BMPR2: variants seen among roughly 807,000 people sequenced by gnomAD.
The protein encoded by BMPR2 is bone morphogenetic protein receptor type 2.
In BMPR2, 29 loss-of-function variants were observed where a neutral mutation model predicts 100.8. That is an observed-to-expected ratio of 0.29 (90% CI 0.21 to 0.39). BMPR2 has a LOEUF of 0.39. Among genes scored for constraint, BMPR2 ranks in the 10% least tolerant of loss-of-function variants. The pLI is 1.00. For synonymous variants in BMPR2, 382 were observed against 442.3 expected (o/e 0.86, Z 1.71); for missense variants, 1,011 against 1,274.5 (o/e 0.79, Z 3.15).
intron 10 of BMPR2, among the ~76,000 whole-genome samples, chr2:202,549,147 T>G (rs2106038146): frequency 6.6e-6 from 1 of 152,258 alleles, no homozygotes. Context: ...AAATGTACTG[T>G]TTTTCTGGCT....
chr2:202,470,273 C>T (rs1692409093), intron 3 of BMPR2, among the ~76,000 whole-genome samples: 1 of 151,764 alleles, frequency 6.6e-6, no homozygotes, highest in African/African-American at 2.4e-5. Context: ...ACCTGGGAGG[C>T]GGAGGTTGCA....
intron 3 of BMPR2, among the ~76,000 whole-genome samples, chr2:202,510,953 A>G (rs992558873): frequency 6.6e-6 from 1 of 150,422 alleles, no homozygotes; most frequent in African/African-American, 2.4e-5. Context: ...TGTTGGGATG[A>G]CAGGAGTGAG....
intron 3 of BMPR2, among the ~76,000 whole-genome samples, chr2:202,491,979 C>G (rs1367764041): frequency 1.3e-5 from 2 of 152,000 alleles, no homozygotes; most frequent in Non-Finnish European, 2.9e-5. Flanking sequence ...GAAAAACAGC[C>G]CTGAATTATT....
intron 1 of BMPR2, among the ~76,000 whole-genome samples, chr2:202,459,980 G>T (rs1464438069): frequency 1.3e-5 from 2 of 152,182 alleles, no homozygotes; most frequent in Non-Finnish European, 2.9e-5. Flanking sequence ...AAGAAGACAT[G>T]CATATGGCCA....
intron 4 of BMPR2, among the ~76,000 whole-genome samples, chr2:202,514,648 T>C (rs771937189): frequency 2.0e-5 from 3 of 152,202 alleles, no homozygotes; most frequent in Non-Finnish European, 4.4e-5. Context: ...TTTTAAACTT[T>C]TAAAGTAAGT....
At chr2:202,544,682 C>T (rs1215606876) in intron 10 of BMPR2, among the ~76,000 whole-genome samples, 1 of 151,190 alleles carries the variant, frequency 6.6e-6, no homozygotes, top group Non-Finnish European at 1.5e-5. Context: ...ACACATTTTG[C>T]TTGGCACTGG....
At chr2:202,399,385 A>G (rs544781556) in intron 1 of BMPR2, among the ~76,000 whole-genome samples, 128 of 152,288 alleles carry the variant, frequency 8.4e-4, no homozygotes, top group African/African-American at 2.9e-3. Context: ...AAAGAGCTCG[A>G]TATTTCACAG....
rs1046651179 is a variant in BMPR2 at position 202,534,639 on chromosome 2, G to A, written c.1276+1907G>A. On this transcript the variant is annotated intron_variant, in intron 9 of 12. Coordinates refer to ENST00000374580, the MANE Select transcript of BMPR2 (RefSeq NM_001204.7). ...AGTTTTCTTAGTACAGAACAAAATGGAAAGTCTCCCATGTCTACTTCTTTC... is the reference window on the plus strand; with the variant it reads ...AGTTTTCTTAGTACAGAACAAAATGAAAAGTCTCCCATGTCTACTTCTTTC... Among the ~76,000 whole-genome samples, 298 of 152,260 alleles carry A rather than the reference G, an allele frequency of 2.0e-3. 2 individuals are homozygous for A. The highest frequency in any genetic ancestry group is 2.9e-3 in the Non-Finnish European group (197 of 68,004).
intron 1 of BMPR2, among the ~76,000 whole-genome samples, chr2:202,412,827 C>T (rs1202501973): frequency 6.6e-6 from 1 of 152,052 alleles, no homozygotes; most frequent in Non-Finnish European, 1.5e-5. Context: ...CTATGGTCTT[C>T]AGTAATTACT....
chr2:202,535,331 G>A (rs1301877817), intron 9 of BMPR2, among the ~76,000 whole-genome samples: 10 of 151,270 alleles, frequency 6.6e-5, no homozygotes, highest in African/African-American at 1.9e-4. Flanking sequence ...TCTCAGACGG[G>A]GCGGTTGCCA....
chr2:202,538,102 A>G (rs1688197879), intron 9 of BMPR2, among the ~76,000 whole-genome samples: 1 of 152,064 alleles, frequency 6.6e-6, no homozygotes, highest in Non-Finnish European at 1.5e-5. Context: ...AGCCTGGGTG[A>G]CAGAACGAGA....
intron 1 of BMPR2, among the ~76,000 whole-genome samples, chr2:202,420,370 T>C (rs988781456): frequency 2.0e-5 from 3 of 151,904 alleles, no homozygotes; most frequent in African/African-American, 7.3e-5. Context: ...ACAGAGAAAC[T>C]GTGAATTTTA....
chr2:202,497,069 G>A (rs1693048317), intron 3 of BMPR2, among the ~76,000 whole-genome samples: 2 of 152,244 alleles, frequency 1.3e-5, no homozygotes, highest in Admixed American at 1.3e-4. Context: ...CGGCTGCGGG[G>A]GGTGCACTGG....
At chr2:202,478,830 A>G (rs887609380) in intron 3 of BMPR2, among the ~76,000 whole-genome samples, 8 of 152,008 alleles carry the variant, frequency 5.3e-5, no homozygotes, top group Admixed American at 5.2e-4. Flanking sequence ...AGAGGCTGAG[A>G]TGGGAGAATT....
chr2:202,472,176 T>G (rs1692450384), intron 3 of BMPR2, among the ~76,000 whole-genome samples: 5 of 152,206 alleles, frequency 3.3e-5, no homozygotes, highest in Admixed American at 3.3e-4. Flanking sequence ...ATCATCAGTT[T>G]TGGATTATTT....
chr2:202,423,789 T>G (rs966699271), intron 1 of BMPR2, among the ~76,000 whole-genome samples: 4 of 150,860 alleles, frequency 2.7e-5, no homozygotes, highest in African/African-American at 9.8e-5. Flanking sequence ...GTACAGTGGC[T>G]CATGGCTGTA....
chr2:202,377,668 A>G (rs1690180829), intron 1 of BMPR2, 118 bp downstream of exon 1: 1 of 1,244,324 alleles, frequency 8.0e-7, no homozygotes, highest in Non-Finnish European at 1.1e-6. Context: ...ATCGCGGTGC[A>G]GCGGAGCTGC....
chr2:202,528,760 T>TGATTGTTTACTGCTTTCCC, intron 7 of BMPR2, among the ~76,000 whole-genome samples: 1 of 152,360 alleles, frequency 6.6e-6, no homozygotes, highest in East Asian at 1.9e-4. Flanking sequence ...TGGTTTCTAC[T>TGATTGTTTACTGCTTTCCC]GATTGTTTAC....
intron 1 of BMPR2, among the ~76,000 whole-genome samples, chr2:202,439,683 C>T (rs1251559098): frequency 4.7e-5 from 7 of 149,232 alleles, no homozygotes; most frequent in Non-Finnish European, 1.5e-5. Context: ...TCCTGATCTT[C>T]GAAGGAAAGT....
Sources: gnomAD v4.1 joint callset for allele counts (sites outside exome capture counted in the v4.1 genomes callset) on GRCh38, gnomAD v4.1.1 for gene constraint, MANE v1.5 for transcripts, NCBI Gene and HGNC (gene_info 2026-07-23, HGNC 2026-07-21) for gene names.